DPYSL5: variants seen among roughly 807,000 people sequenced by gnomAD.
The protein encoded by DPYSL5 is dihydropyrimidinase like 5.
In DPYSL5, 9 loss-of-function variants were observed where a neutral mutation model predicts 58.4. The ratio of observed to expected loss-of-function variants is 0.15; its 90% CI spans 0.09 to 0.27. The LOEUF (loss-of-function observed/expected upper bound fraction) is 0.27. Ranked by LOEUF, DPYSL5 falls within the 10% of genes least tolerant of loss-of-function variation. DPYSL5 has a pLI of 1.00. For missense variants in DPYSL5, 499 were observed against 770.6 expected, an observed-to-expected ratio of 0.65 and a Z score of 4.17; for synonymous variants, 293 against 301.9, an observed-to-expected ratio of 0.97 and a Z score of 0.31.
intron 1 of DPYSL5, among the ~76,000 whole-genome samples, chr2:26,894,930 G>C (rs1663974613): frequency 6.6e-6 from 1 of 152,168 alleles, no homozygotes; most frequent in African/African-American, 2.4e-5. Context: ...GTAGTCAGTG[G>C]TGTCATATGT....
chr2:26,910,239 G>C (rs1664398814), intron 2 of DPYSL5, among the ~76,000 whole-genome samples: 1 of 152,168 alleles, frequency 6.6e-6, no homozygotes, highest in South Asian at 2.1e-4. Context: ...TTTCCCTTGG[G>C]TAATTACCCG....
chr2:26,889,495 C>A (rs1663815178), intron 1 of DPYSL5, among the ~76,000 whole-genome samples: 1 of 147,730 alleles, frequency 6.8e-6, no homozygotes, highest in Non-Finnish European at 1.5e-5. Context: ...TGGTCTCAAT[C>A]TCCTGACCTC....
At chr2:26,940,944 T>TTA (rs1665304431) in intron 9 of DPYSL5, among the ~76,000 whole-genome samples, 3 of 141,460 alleles carry the variant, frequency 2.1e-5, no homozygotes, top group African/African-American at 7.9e-5. Context: ...ATTATTTATT[T>TTA]TTTTTTGTGT....
chr2:26,902,909 A>G (rs991109568), intron 2 of DPYSL5, among the ~76,000 whole-genome samples: 11 of 152,158 alleles, frequency 7.2e-5, no homozygotes, highest in African/African-American at 2.7e-4. Context: ...TGCCCTGGCA[A>G]CATCAGGAAG....
In DPYSL5 at chr2:26,934,795, G is replaced by T; in HGVS notation, c.947+61G>T. ...ACATCTTTAGGAAGACGTCATAGAG[G>T]GCCCAGGAAACAAATCTGAGCTAGG... On this transcript the variant is annotated intron_variant, in intron 8 of 12. Coordinates refer to ENST00000288699, the MANE Select transcript of DPYSL5 (RefSeq NM_020134.4). This position sits in a 1 kb window ranked among gnomAD's most constrained non-coding sequence, Gnocchi z 4.3. 6.3e-7 allele frequency: 1 copy of T among 1,582,578 alleles called. No homozygotes were observed. The highest frequency in any genetic ancestry group is 8.6e-7 in the Non-Finnish European group (1 of 1,161,832).
chr2:26,924,846 A>G lies in DPYSL5; in HGVS notation c.262-41A>G. On this transcript the variant is annotated intron_variant, in intron 2 of 12. Transcript: ENST00000288699. This position sits in a 1 kb window ranked among gnomAD's most constrained non-coding sequence, Gnocchi z 4.7. Reference sequence around the variant, plus strand: ...CTCACCACATCATTGACTCGGGGGCAGGCAGGGCTGTGACGAGACTGCCTT... The same window carrying G: ...CTCACCACATCATTGACTCGGGGGCGGGCAGGGCTGTGACGAGACTGCCTT... The G allele has an allele frequency of 1.3e-6, 2 of 1,598,008 alleles. No individual in the cohort carries two copies. The highest frequency in any genetic ancestry group is 1.7e-6 in the Non-Finnish European group (2 of 1,171,636).
chr2:26,886,049 G>A lies in DPYSL5; in HGVS notation c.-4-12447G>A, dbSNP rs1663710617. ...GCTGCCTGTGGAACCCAGTAGAATG[G>A]TCCAGTGGGCATTCGGATGGTATTA... is the stretch of plus-strand genomic sequence containing the variant. On this transcript the variant is annotated intron_variant, in intron 1 of 12. Coordinates refer to ENST00000288699, the MANE Select transcript of DPYSL5 (RefSeq NM_020134.4). Among the ~76,000 whole-genome samples, 13 of 152,250 alleles carry A rather than the reference G, an allele frequency of 8.5e-5. No individual in the cohort carries two copies. In the South Asian group the frequency reaches 2.7e-3, roughly 32 times the overall value.
intron 5 of DPYSL5, among the ~76,000 whole-genome samples, chr2:26,929,277 G>A (rs935995907): frequency 6.6e-6 from 1 of 152,074 alleles, no homozygotes; most frequent in Non-Finnish European, 1.5e-5. Flanking sequence ...TTGTTGCCCA[G>A]GCTGTAGTGC....
rs1024091998 is a variant in DPYSL5 at position 26,947,027 on chromosome 2, A to G, written c.*32A>G. Reference sequence around the variant, plus strand: ...TGCCAAGCCCCCCGAGTGAGGACGCACCGCCGCCACCAGCCCGCAACTCTC... The same window carrying G: ...TGCCAAGCCCCCCGAGTGAGGACGCGCCGCCGCCACCAGCCCGCAACTCTC... On this transcript the variant is annotated 3_prime_UTR_variant, in exon 13 of 13. Coordinates refer to ENST00000288699, the MANE Select transcript of DPYSL5 (RefSeq NM_020134.4). This position sits in a 1 kb window ranked among gnomAD's most constrained non-coding sequence, Gnocchi z 4.2. 2 of 1,529,324 alleles carry G rather than the reference A, an allele frequency of 1.3e-6. No individual in the cohort carries two copies. The highest frequency in any genetic ancestry group is 1.4e-5 in the African/African-American group (1 of 73,114). The allele number at this position is 1,529,324 out of a possible 1,614,324, so 94.7% of individuals were successfully genotyped here.
chr2:26,853,718 TCTTTA>T (rs367597490), intron 1 of DPYSL5, among the ~76,000 whole-genome samples: 1 of 152,202 alleles, frequency 6.6e-6, no homozygotes, highest in African/African-American at 2.4e-5. Context: ...CATGGTGCAC[TCTTTA>T]CTTAGAATTT....
intron 2 of DPYSL5, among the ~76,000 whole-genome samples, chr2:26,901,938 C>A (rs1664170330): frequency 2.0e-5 from 3 of 152,044 alleles, no homozygotes; most frequent in Admixed American, 1.3e-4. Context: ...CCACGCCTCG[C>A]TGGCCCCAGC....
chr2:26,883,678 C>T (rs1180742570), intron 1 of DPYSL5, among the ~76,000 whole-genome samples: 1 of 152,176 alleles, frequency 6.6e-6, no homozygotes, highest in Non-Finnish European at 1.5e-5. Flanking sequence ...AGATTACAGG[C>T]ATGAGCCACT....
At chr2:26,876,808 G>A (rs995916751) in intron 1 of DPYSL5, among the ~76,000 whole-genome samples, 1 of 152,002 alleles carries the variant, frequency 6.6e-6, no homozygotes, top group Non-Finnish European at 1.5e-5. Context: ...GAGCCACCGC[G>A]CCCGGCCATG....
At position 26,933,217 on chromosome 2, in the gene DPYSL5, T is replaced by A. The variant is rs754231655; in HGVS notation, c.715-41T>A. 1 of 1,590,432 alleles carries A rather than the reference T, an allele frequency of 6.3e-7. No individual in the cohort carries two copies. Among genetic ancestry groups the A allele is most frequent in the South Asian group, 1.1e-5 (1 of 90,620 alleles). On this transcript the variant is annotated intron_variant, in intron 6 of 12. Coordinates refer to ENST00000288699, the MANE Select transcript of DPYSL5 (RefSeq NM_020134.4). The surrounding 1 kb of genome is among the most constrained non-coding windows in gnomAD (Gnocchi z 4.2). ...GTTATTCTGATGCTTGTGAAGTTTA[T>A]GGGTCAACCCTCCCTACTTCCCACT...
In DPYSL5 at chr2:26,898,589, C is replaced by T. The variant is rs144960416; in HGVS notation, c.90C>T (p.Ile30=). Reference sequence around the variant, plus strand: ...GCACCCACGAGGCTGACGTCTACATCGAGAATGGCATCATCCAGCAGGTGG... The same window carrying T: ...GCACCCACGAGGCTGACGTCTACATTGAGAATGGCATCATCCAGCAGGTGG... ...DDCTHEADVY[I]ENGIIQQVGR... is the part of the protein sequence containing the mutation. Residue 30 remains isoleucine (I), a synonymous_variant, in exon 2 of 13, where the codon ATC becomes ATT. Coordinates refer to ENST00000288699, the MANE Select transcript of DPYSL5 (RefSeq NM_020134.4). The surrounding 1 kb of genome is among the most constrained non-coding windows in gnomAD (Gnocchi z 6.1). The T allele has an allele frequency of 2.1e-5, 34 of 1,614,060 alleles. No homozygotes were observed. In the African/African-American group the frequency reaches 3.6e-4, roughly 17 times the overall value.
intron 1 of DPYSL5, among the ~76,000 whole-genome samples, chr2:26,882,052 C>T (rs2148124942): frequency 7.1e-6 from 1 of 140,594 alleles, no homozygotes; most frequent in Admixed American, 7.5e-5. Flanking sequence ...GATCACACCA[C>T]TGCACTCCAG....
intron 1 of DPYSL5, among the ~76,000 whole-genome samples, chr2:26,859,620 G>A (rs1364545902): frequency 3.9e-5 from 6 of 152,170 alleles, no homozygotes; most frequent in Admixed American, 2.0e-4. Flanking sequence ...GATTCCAAGT[G>A]AAGCTGATTT....
At chr2:26,918,495 T>G (rs981492079) in intron 2 of DPYSL5, among the ~76,000 whole-genome samples, 2 of 151,672 alleles carry the variant, frequency 1.3e-5, no homozygotes, top group African/African-American at 2.4e-5. Flanking sequence ...CTCTGGTACT[T>G]CGGGAGGATG....
intron 1 of DPYSL5, among the ~76,000 whole-genome samples, chr2:26,853,031 G>C (rs1239034953): frequency 1.3e-5 from 2 of 152,184 alleles, no homozygotes; most frequent in East Asian, 3.9e-4. Context: ...GGGAACACAA[G>C]GAATGATTAG....
Sources: allele counts gnomAD v4.1 joint callset (sites outside exome capture counted in the v4.1 genomes callset), GRCh38; gene constraint gnomAD v4.1.1; non-coding constraint Gnocchi (gnomAD v3.1); transcripts MANE v1.5; gene names NCBI Gene and HGNC (gene_info 2026-07-23, HGNC 2026-07-21).